PPARGC1A: variants seen among roughly 807,000 people sequenced by gnomAD.
PPARGC1A encodes the protein PPARG coactivator 1 alpha.
PPARGC1A carries 25 observed loss-of-function variants against 88.7 expected under a neutral mutation model. The observed-to-expected ratio is 0.28, with a 90% CI of 0.21 to 0.39. The LOEUF is 0.39. PPARGC1A is among the 10% of genes least tolerant of loss of function. The pLI, the probability that PPARGC1A is intolerant of heterozygous loss-of-function variation, is 1.00. For missense variants in PPARGC1A, 880 were observed against 968.7 expected (o/e 0.91, Z 1.22); for synonymous variants, 363 against 355.6 (o/e 1.02, Z -0.24).
chr4:24,101,354 A>C, the PPARGC1A span, among the ~76,000 whole-genome samples: 2 of 152,238 alleles, frequency 1.3e-5, no homozygotes, highest in Non-Finnish European at 2.9e-5. Context: ...TACAGTCTGC[A>C]GAACTGTGAG....
At chr4:24,400,435 T>A in the PPARGC1A span, among the ~76,000 whole-genome samples, 19 of 152,320 alleles carry the variant, frequency 1.2e-4, no homozygotes, top group Non-Finnish European at 2.5e-4. Context: ...GGTTCTTCAG[T>A]TTTGGGACTC....
At chr4:24,374,237 C>A in the PPARGC1A span, among the ~76,000 whole-genome samples, 1 of 152,184 alleles carries the variant, frequency 6.6e-6, no homozygotes, top group South Asian at 2.1e-4. Flanking sequence ...TTTCTTCTAT[C>A]TGCCTCTATC....
the PPARGC1A span, among the ~76,000 whole-genome samples, chr4:23,910,309 TATA>T: frequency 3.4e-4 from 15 of 44,638 alleles, no homozygotes; most frequent in East Asian, 1.2e-3. Context: ...TAACCCTATA[TATA>T]ATATTATATA....
upstream of PPARGC1A, among the ~76,000 whole-genome samples, chr4:23,892,451 T>TTTG (rs58752866): frequency 6.6e-6 from 1 of 151,754 alleles, no homozygotes; most frequent in Non-Finnish European, 1.5e-5. Context: ...ATTTTTTTTT[T>TTTG]GTCTTAAAAC....
At chr4:24,084,571 A>G in the PPARGC1A span, among the ~76,000 whole-genome samples, 1 of 152,210 alleles carries the variant, frequency 6.6e-6, no homozygotes, top group East Asian at 1.9e-4. Flanking sequence ...GGAATGAGTT[A>G]TAGAGAGAGG....
the PPARGC1A span, among the ~76,000 whole-genome samples, chr4:24,281,618 G>A: frequency 2.0e-5 from 3 of 152,168 alleles, no homozygotes; most frequent in Non-Finnish European, 2.9e-5. Flanking sequence ...TGAAGGGGAC[G>A]AAAACCGAAA....
chr4:24,296,807 G>A, the PPARGC1A span, among the ~76,000 whole-genome samples: 1 of 152,206 alleles, frequency 6.6e-6, no homozygotes, highest in African/African-American at 2.4e-5. Flanking sequence ...ATCACTTGGT[G>A]AGTTGCAGAA....
the PPARGC1A span, among the ~76,000 whole-genome samples, chr4:23,952,936 A>G: frequency 1.3e-5 from 2 of 152,080 alleles, no homozygotes; most frequent in Non-Finnish European, 2.9e-5. Context: ...CTCCTGGTCC[A>G]TAAACCTACT....
At chr4:24,291,814 CA>C in the PPARGC1A span, among the ~76,000 whole-genome samples, 1 of 152,264 alleles carries the variant, frequency 6.6e-6, no homozygotes. Context: ...CAGAGATAAA[CA>C]TCTGGTACAA....
At chr4:23,878,750 C>T (rs1037364916) in intron 2 of PPARGC1A, among the ~76,000 whole-genome samples, 1 of 152,186 alleles carries the variant, frequency 6.6e-6, no homozygotes, top group African/African-American at 2.4e-5. Flanking sequence ...AGCACACAGG[C>T]TGGGTCAGAT....
chr4:24,220,029 A>G, the PPARGC1A span, among the ~76,000 whole-genome samples: 6 of 152,240 alleles, frequency 3.9e-5, no homozygotes, highest in Non-Finnish European at 8.8e-5. Flanking sequence ...CAAATCAGCA[A>G]GAAAAAAAGA....
the PPARGC1A span, among the ~76,000 whole-genome samples, chr4:24,076,804 AT>A: frequency 2.8e-4 from 42 of 152,288 alleles, no homozygotes; most frequent in African/African-American, 9.4e-4. Context: ...ATTCACATAC[AT>A]TAATATATTT....
chr4:24,163,200 T>G, the PPARGC1A span, among the ~76,000 whole-genome samples: 2 of 147,588 alleles, frequency 1.4e-5, no homozygotes, highest in African/African-American at 5.1e-5. Flanking sequence ...CACTAAATTA[T>G]GTGCCATACT....
chr4:24,336,367 C>T, the PPARGC1A span, among the ~76,000 whole-genome samples: 3 of 152,150 alleles, frequency 2.0e-5, no homozygotes, highest in Non-Finnish European at 2.9e-5. Flanking sequence ...AAATTGCACC[C>T]AGCATCTAAT....
chr4:23,954,332 T>C, the PPARGC1A span, among the ~76,000 whole-genome samples: 3 of 152,036 alleles, frequency 2.0e-5, no homozygotes, highest in African/African-American at 7.2e-5. Context: ...AAGGCATATG[T>C]TAGTAACCAA....
chr4:23,962,335 A>T, the PPARGC1A span, among the ~76,000 whole-genome samples: 1 of 152,110 alleles, frequency 6.6e-6, no homozygotes, highest in Admixed American at 6.6e-5. Context: ...CCACAGGGTC[A>T]TCTGGCCCAA....
the PPARGC1A span, among the ~76,000 whole-genome samples, chr4:24,065,912 C>G: frequency 6.6e-6 from 1 of 152,180 alleles, no homozygotes; most frequent in Non-Finnish European, 1.5e-5. Flanking sequence ...GGCCCAGGCC[C>G]TGTATGATTC....
the PPARGC1A span, among the ~76,000 whole-genome samples, chr4:24,354,846 G>A: frequency 1.3e-5 from 2 of 151,898 alleles, no homozygotes; most frequent in African/African-American, 4.8e-5. Context: ...AAGATCACGC[G>A]ACTGCACTCC....
the PPARGC1A span, among the ~76,000 whole-genome samples, chr4:24,395,160 T>C: frequency 6.6e-6 from 1 of 152,178 alleles, no homozygotes; most frequent in Admixed American, 6.5e-5. Context: ...ATCTTCTTTG[T>C]ATTTTTCAAT....
Sources: allele counts gnomAD v4.1 joint callset (sites outside exome capture counted in the v4.1 genomes callset), GRCh38; gene constraint gnomAD v4.1.1; transcripts MANE v1.5; gene names NCBI Gene and HGNC (gene_info 2026-07-23, HGNC 2026-07-21).